TACR3: variants seen among roughly 807,000 people sequenced by gnomAD.
The protein encoded by TACR3 is neuromedin-K receptor.
TACR3 carries 34 observed loss-of-function variants against 35.0 expected under a neutral mutation model. That is an observed-to-expected ratio of 0.97 (90% CI 0.74 to 1.30). TACR3 has a LOEUF of 1.30. Ranked by LOEUF, TACR3 falls within the 50% of genes most tolerant of loss-of-function variation. The probability of loss-of-function intolerance (pLI) is 0.00; values close to 1 mark genes in which losing one functional copy is unlikely to be tolerated. For synonymous variants in TACR3, 233 were observed against 221.1 expected (o/e 1.05, Z -0.48); for missense variants, 558 against 591.7 (o/e 0.94, Z 0.59).
chr4:103,650,278 T>C (rs1356926957), intron 3 of TACR3, among the ~76,000 whole-genome samples: 2 of 151,636 alleles, frequency 1.3e-5, no homozygotes, highest in Non-Finnish European at 2.9e-5. Context: ...TGGAACTGCA[T>C]TGGGTCACAC....
chr4:103,689,698 T>C (rs1722355902), intron 1 of TACR3, among the ~76,000 whole-genome samples: 1 of 152,032 alleles, frequency 6.6e-6, no homozygotes, highest in Admixed American at 6.6e-5. Flanking sequence ...AAGAGATTTG[T>C]GAGACTCTAT....
intron 3 of TACR3, among the ~76,000 whole-genome samples, chr4:103,650,467 TTA>T (rs1407903374): frequency 3.7e-5 from 5 of 135,820 alleles, no homozygotes; most frequent in Admixed American, 1.8e-4. Flanking sequence ...AATAATATAT[TTA>T]TATATATTTA....
chr4:103,719,964 GC>G lies in TACR3; in HGVS notation c.-290del, dbSNP rs761928796. ...ATCACACGTAGGGAGGGTGCCAGCT[GC>G]CCGGCACAGGCTGGAGAACTGAGCG... On this transcript the variant is annotated 5_prime_UTR_variant, in exon 1 of 5. Transcript: ENST00000304883. 1.1e-5 allele frequency: 6 copies of G among 537,322 alleles called. No individual in the cohort carries two copies. Among genetic ancestry groups the G allele is most frequent in the Non-Finnish European group, 2.0e-5 (6 of 299,808 alleles). The allele number at this position is 537,322 out of a possible 1,614,324, so 33.3% of individuals were successfully genotyped here.
intron 1 of TACR3, among the ~76,000 whole-genome samples, chr4:103,667,273 A>G (rs1304269043): frequency 1.3e-5 from 2 of 151,970 alleles, no homozygotes; most frequent in Non-Finnish European, 2.9e-5. Context: ...AAAACAAAAC[A>G]AAACAAAAAC....
At chr4:103,623,208 T>C (rs895854445) in intron 3 of TACR3, among the ~76,000 whole-genome samples, 1 of 152,138 alleles carries the variant, frequency 6.6e-6, no homozygotes, top group Non-Finnish European at 1.5e-5. Flanking sequence ...TAATGCTTTA[T>C]ACATGTATTT....
Position 103,589,548 on chromosome 4 carries a change from A to G in TACR3, c.*134T>C. 1.1e-6 allele frequency: 1 copy of G among 938,514 alleles called. No homozygotes were observed. The highest frequency in any genetic ancestry group is 1.6e-6 in the Non-Finnish European group (1 of 611,664). 58.1% of individuals were successfully genotyped at this position (938,514 alleles called of 1,614,324 possible). On this transcript the variant is annotated 3_prime_UTR_variant, in exon 5 of 5. Coordinates refer to ENST00000304883, the MANE Select transcript of TACR3 (RefSeq NM_001059.3). ...TCACATTTATACACTACCTTTCTCAATTTGACCATAGCTGCCTAAAAATTG... is the reference window on the plus strand; with the variant it reads ...TCACATTTATACACTACCTTTCTCAGTTTGACCATAGCTGCCTAAAAATTG...
chr4:103,596,989 T>G (rs1560799624), intron 3 of TACR3, among the ~76,000 whole-genome samples: 1 of 151,768 alleles, frequency 6.6e-6, no homozygotes, highest in Non-Finnish European at 1.5e-5. Context: ...ATTTTCTTAA[T>G]CCAGTCTATC....
chr4:103,614,885 T>G (rs1185482072), intron 3 of TACR3, among the ~76,000 whole-genome samples: 7 of 67,190 alleles, frequency 1.0e-4, no homozygotes, highest in South Asian at 5.7e-4. Flanking sequence ...TATGAATGTG[T>G]TTTTTTTTTT....
chr4:103,604,473 G>A (rs1724298481), intron 3 of TACR3, among the ~76,000 whole-genome samples: 1 of 152,146 alleles, frequency 6.6e-6, no homozygotes. Context: ...TCAGGATGTA[G>A]ACATGAGAAA....
chr4:103,669,034 T>C (rs1019443198), intron 1 of TACR3, among the ~76,000 whole-genome samples: 1 of 152,158 alleles, frequency 6.6e-6, no homozygotes, highest in African/African-American at 2.4e-5. Context: ...ATATATTTTT[T>C]TTAGTTCCAA....
intron 1 of TACR3, among the ~76,000 whole-genome samples, chr4:103,693,634 T>A (rs1031448544): frequency 6.6e-6 from 1 of 152,154 alleles, no homozygotes; most frequent in African/African-American, 2.4e-5. Context: ...TCATATTGAT[T>A]CATAAGAACT....
chr4:103,597,310 G>A (rs1375205063), intron 3 of TACR3, among the ~76,000 whole-genome samples: 1 of 152,074 alleles, frequency 6.6e-6, no homozygotes, highest in Non-Finnish European at 1.5e-5. Flanking sequence ...GGTGTGAGAT[G>A]ATATCTCATT....
intron 3 of TACR3, among the ~76,000 whole-genome samples, chr4:103,638,759 C>T (rs1560817984): frequency 1.3e-5 from 2 of 152,020 alleles, no homozygotes; most frequent in African/African-American, 4.8e-5. Context: ...AACAAACAAC[C>T]CCATCAAAAA....
chr4:103,615,317 C>A (rs544428068), intron 3 of TACR3, among the ~76,000 whole-genome samples: 6 of 151,832 alleles, frequency 4.0e-5, no homozygotes, highest in African/African-American at 1.5e-4. Flanking sequence ...AGCAAGTATG[C>A]AGCTAGTAGG....
At chr4:103,606,673 T>G (rs1307931352) in intron 3 of TACR3, among the ~76,000 whole-genome samples, 1 of 152,152 alleles carries the variant, frequency 6.6e-6, no homozygotes, top group African/African-American at 2.4e-5. Context: ...ATTGATTTTG[T>G]ATCCTGAGAC....
At chr4:103,627,557 G>C (rs1189650879) in intron 3 of TACR3, among the ~76,000 whole-genome samples, 1 of 151,508 alleles carries the variant, frequency 6.6e-6, no homozygotes, top group African/African-American at 2.4e-5. Flanking sequence ...TTTAAAAAAA[G>C]TCTTGGTAAA....
intron 3 of TACR3, among the ~76,000 whole-genome samples, chr4:103,628,092 A>G (rs1724947891): frequency 6.6e-6 from 1 of 152,192 alleles, no homozygotes; most frequent in African/African-American, 2.4e-5. Flanking sequence ...GTTCGTTGAA[A>G]CTAATGAGAA....
intron 1 of TACR3, among the ~76,000 whole-genome samples, chr4:103,676,644 C>T (rs186365384): frequency 6.2e-4 from 94 of 152,202 alleles, no homozygotes; most frequent in Non-Finnish European, 4.4e-5. Flanking sequence ...ATAAATGGTG[C>T]TGGGATAACT....
chr4:103,669,374 T>TA (rs375432113), intron 1 of TACR3, among the ~76,000 whole-genome samples: 2 of 152,154 alleles, frequency 1.3e-5, no homozygotes, highest in African/African-American at 4.8e-5. Flanking sequence ...AATATATATC[T>TA]AGCACTGGGC....
Sources: gnomAD v4.1 joint callset for allele counts (sites outside exome capture counted in the v4.1 genomes callset) on GRCh38, gnomAD v4.1.1 for gene constraint, MANE v1.5 for transcripts, NCBI Gene and HGNC (gene_info 2026-07-23, HGNC 2026-07-21) for gene names.